GAN: variants seen among roughly 807,000 people sequenced by gnomAD.
The protein encoded by GAN is gigaxonin, also known as epididymis secretory sperm binding protein.
Under a neutral mutation model 71.3 loss-of-function variants are expected in GAN, and 48 were observed. The ratio of observed to expected loss-of-function variants is 0.67; its 90% CI spans 0.53 to 0.86. The LOEUF is 0.86. Ranked by LOEUF, GAN falls within the 40% of genes least tolerant of loss-of-function variation. The probability of loss-of-function intolerance (pLI) is 0.00; values close to 1 mark genes in which losing one functional copy is unlikely to be tolerated. For missense variants in GAN, 928 were observed against 770.1 expected, an observed-to-expected ratio of 1.21 and a Z score of -2.43; for synonymous variants, 386 against 276.8, an observed-to-expected ratio of 1.39 and a Z score of -3.92.
At chr16:81,372,330 A>T (rs1597411027) in intron 9 of GAN, among the ~76,000 whole-genome samples, 3 of 152,150 alleles carry the variant, frequency 2.0e-5, no homozygotes, top group African/African-American at 7.2e-5. Context: ...AAAATACTTT[A>T]CATTGATATT....
At chr16:81,374,476 C>G (rs1904275488) in intron 9 of GAN, among the ~76,000 whole-genome samples, 1 of 152,172 alleles carries the variant, frequency 6.6e-6, no homozygotes, top group South Asian at 2.1e-4. Context: ...GATTTTGTTC[C>G]CGTCATTCCT....
intron 5 of GAN, among the ~76,000 whole-genome samples, chr16:81,361,812 A>G (rs1467451128): frequency 6.6e-6 from 1 of 152,064 alleles, no homozygotes; most frequent in Non-Finnish European, 1.5e-5. Context: ...CTCCCATTTC[A>G]GCCTCCTGAG....
In GAN at chr16:81,389,114, A is replaced by G. The variant is rs1227600817; in HGVS notation, c.*11518A>G. On this transcript the variant is annotated 3_prime_UTR_variant, in exon 11 of 11. Coordinates refer to ENST00000648994, the MANE Select transcript of GAN (RefSeq NM_022041.4). ...TACCTCAAAATTCAGGCTCTCCATG[A>G]AAACAAAGATAATCTGAATAAAAAT... is the stretch of plus-strand genomic sequence containing the variant. 6.6e-6 allele frequency: 1 copy of G among 152,240 alleles called. No individual in the cohort carries two copies. Among genetic ancestry groups the G allele is most frequent in the Non-Finnish European group, 1.5e-5 (1 of 68,046 alleles). The allele number at this position is 152,240 out of a possible 1,614,324, so 9.4% of individuals were successfully genotyped here.
intron 9 of GAN, among the ~76,000 whole-genome samples, chr16:81,375,339 CTT>C (rs59775874): frequency 4.8e-5 from 5 of 104,096 alleles, no homozygotes; most frequent in Admixed American, 1.2e-4. Flanking sequence ...TTTAATTTAT[CTT>C]TTTTTTTTTT....
intron 1 of GAN, among the ~76,000 whole-genome samples, chr16:81,329,165 G>T (rs1240000952): frequency 6.6e-6 from 1 of 151,934 alleles, no homozygotes; most frequent in Non-Finnish European, 1.5e-5. Flanking sequence ...TTCTCCTGTT[G>T]TTTGTTCTCT....
chr16:81,319,206 T>TTTTATA (rs61540131), intron 1 of GAN, among the ~76,000 whole-genome samples: 222 of 138,794 alleles, frequency 1.6e-3, no homozygotes, highest in Middle Eastern at 0.015. Flanking sequence ...TAGATATAGA[T>TTTTATA]TATATATATA....
chr16:81,371,689 A>C (rs1911041516), intron 9 of GAN, among the ~76,000 whole-genome samples: 1 of 152,120 alleles, frequency 6.6e-6, no homozygotes, highest in Non-Finnish European at 1.5e-5. Context: ...GGTTGCCCCA[A>C]GACCCCTTTT....
rs1214718632 is a variant in GAN at position 81,383,409 on chromosome 16, C to T, written c.*5813C>T. The stretch of plus-strand genomic sequence containing the variant: ...CTGGGATTACAGGTGCTTATTACCA[C>T]ACTCGGCGAATTTTTTGTGTTTTTA... On this transcript the variant is annotated 3_prime_UTR_variant, in exon 11 of 11. Transcript: ENST00000648994. The T allele has an allele frequency of 1.3e-5, 2 of 151,654 alleles. No homozygotes were observed. The highest frequency in any genetic ancestry group is 2.4e-5 in the African/African-American group (1 of 41,310). 9.4% of individuals were successfully genotyped at this position (151,654 alleles called of 1,614,324 possible).
chr16:81,348,315 T>C (rs1200273708), intron 1 of GAN, among the ~76,000 whole-genome samples: 1 of 152,270 alleles, frequency 6.6e-6, no homozygotes. Context: ...CAATATCCTG[T>C]CTTTTCCCTC....
In GAN at chr16:81,362,488, G is replaced by C. The variant is rs753746307; in HGVS notation, c.974-11G>C. The C allele has an allele frequency of 2.0e-4, 290 of 1,424,528 alleles. 3 individuals carry two copies. Among genetic ancestry groups the C allele is most frequent in the Non-Finnish European group, 2.7e-4 (273 of 1,006,988 alleles). 88.2% of individuals were successfully genotyped at this position (1,424,528 alleles called of 1,614,324 possible). On this transcript the variant is annotated splice_polypyrimidine_tract_variant and intron_variant, in intron 5 of 10. Transcript: ENST00000648994. ...CACATTTCATATTTGTGTTTCCTTTGATCTTTGCAGAAGGATTTTTGTTTG... is the reference window on the plus strand; with the variant it reads ...CACATTTCATATTTGTGTTTCCTTTCATCTTTGCAGAAGGATTTTTGTTTG...
chr16:81,358,939 A>C (rs929542248), intron 5 of GAN, among the ~76,000 whole-genome samples: 1 of 152,114 alleles, frequency 6.6e-6, no homozygotes, highest in African/African-American at 2.4e-5. Context: ...TTATCTTTAA[A>C]ATTTTATTTT....
chr16:81,334,311 A>C (rs1333197007), intron 1 of GAN, among the ~76,000 whole-genome samples: 1 of 152,126 alleles, frequency 6.6e-6, no homozygotes, highest in Non-Finnish European at 1.5e-5. Context: ...GCCTCCTGGG[A>C]GTTGCTTCTG....
chr16:81,373,922 T>C (rs1347175487), intron 9 of GAN, among the ~76,000 whole-genome samples: 2 of 152,160 alleles, frequency 1.3e-5, no homozygotes, highest in African/African-American at 4.8e-5. Flanking sequence ...TTTGTATCTT[T>C]AGTAGAGATG....
rs118059544 is a variant in GAN, at chr16:81,319,046, T to C, written c.167+3766T>C. Among the ~76,000 whole-genome samples, 1,472 of 152,184 alleles carry C rather than the reference T, an allele frequency of 9.7e-3. 11 individuals carry two copies. Among genetic ancestry groups the C allele is most frequent in the Non-Finnish European group, 0.013 (909 of 67,990 alleles). On this transcript the variant is annotated intron_variant, in intron 1 of 10. Transcript: ENST00000648994. ...AAAGTAGTTGACAGGCTGGGCGCAG[T>C]GGCTCATGGCTGTAATTACAGCACT...
Position 81,354,466 on chromosome 16 carries a change from C to T in GAN, c.344C>T (p.Thr115Met), listed in dbSNP as rs1910417967. 1.9e-6 allele frequency: 3 copies of T among 1,613,972 alleles called. No individual in the cohort carries two copies. Among genetic ancestry groups the T allele is most frequent in the Non-Finnish European group, 2.5e-6 (3 of 1,179,816 alleles). Residue 115 changes from threonine (T) to methionine (M), a missense_variant, in exon 3 of 11, where the codon ACG (threonine) becomes ATG (methionine). Transcript: ENST00000648994. ...VVQAADLLLLTDLKTLCCEFL... is the reference protein window; with the variant it reads ...VVQAADLLLLMDLKTLCCEFL... ...CAGGCAGCTGACCTGCTGCTACTGA[C>T]GGACCTTAAAACCCTGTGCTGTGAG...
chr16:81,376,264 C>G (rs1352776559), intron 9 of GAN, among the ~76,000 whole-genome samples: 2 of 151,920 alleles, frequency 1.3e-5, no homozygotes, highest in Non-Finnish European at 2.9e-5. Context: ...GACTTGCTCT[C>G]TAATGTTCCT....
At chr16:81,332,722 C>T (rs560007571) in intron 1 of GAN, among the ~76,000 whole-genome samples, 3 of 152,180 alleles carry the variant, frequency 2.0e-5, no homozygotes, top group Non-Finnish European at 4.4e-5. Context: ...CTTTCATGAC[C>T]ACAGCTCTTC....
intron 1 of GAN, among the ~76,000 whole-genome samples, chr16:81,316,074 A>G (rs568938408): frequency 6.6e-6 from 1 of 152,366 alleles, no homozygotes; most frequent in Non-Finnish European, 1.5e-5. Context: ...TGATTTGCCA[A>G]CTCAACTAAC....
chr16:81,389,443 G>C lies in GAN; in HGVS notation c.*11847G>C, dbSNP rs1904500155. On this transcript the variant is annotated 3_prime_UTR_variant, in exon 11 of 11. Coordinates refer to ENST00000648994, the MANE Select transcript of GAN (RefSeq NM_022041.4). The stretch of plus-strand genomic sequence containing the variant: ...GCCACTGTTGGGGTGTGTACCAGCA[G>C]CCTGGAAGTGACCAGCAGAGCTGAC... The C allele has an allele frequency of 6.6e-6, 1 of 152,218 alleles. No homozygotes were observed. 9.4% of individuals were successfully genotyped at this position (152,218 alleles called of 1,614,324 possible).
Sources: gnomAD v4.1 joint callset for allele counts (sites outside exome capture counted in the v4.1 genomes callset) on GRCh38, gnomAD v4.1.1 for gene constraint, MANE v1.5 for transcripts, NCBI Gene and HGNC (gene_info 2026-07-23, HGNC 2026-07-21) for gene names.